CD22: variants seen among roughly 807,000 people sequenced by gnomAD.
CD22 encodes B-cell receptor CD22.
In CD22, 51 loss-of-function variants were observed where a neutral mutation model predicts 94.7. That is an observed-to-expected ratio of 0.54 (90% CI 0.43 to 0.68). CD22 has a LOEUF of 0.68. Ranked by LOEUF, CD22 falls within the 30% of genes least tolerant of loss-of-function variation. CD22 has a pLI of 0.00. For missense variants in CD22, 931 were observed against 1,060.4 expected (o/e 0.88, Z 1.69); for synonymous variants, 424 against 422.5 (o/e 1.00, Z -0.04).
rs569347814 is a variant in CD22 at position 35,337,891 on chromosome 19, G to A, written c.855G>A (p.Ser285=). Residue 285 remains serine (S), a synonymous_variant, in exon 5 of 14, where the codon TCG becomes TCA. Transcript: ENST00000085219. The surrounding 1 kb of genome is among the most constrained non-coding windows in gnomAD (Gnocchi z 4.4). ...TTVSWLKDGT[S]LKKQNTFTLN... is the part of the protein sequence containing the mutation. ...TATCCTGGCTCAAGGATGGGACCTC[G>A]CTGAAGAAGCAGAATACATTCACGC... 9.9e-6 allele frequency: 16 copies of A among 1,614,184 alleles called. No individual in the cohort carries two copies. The highest frequency in any genetic ancestry group is 6.7e-5 in the Admixed American group (4 of 60,016).
At chr19:35,333,590 T>G (rs1364263961) in intron 3 of CD22, among the ~76,000 whole-genome samples, 1 of 152,114 alleles carries the variant, frequency 6.6e-6, no homozygotes, top group Non-Finnish European at 1.5e-5. Context: ...GGTCTCGCAC[T>G]GTCATCACCC....
Position 35,345,598 on chromosome 19 carries a change from C to G in CD22, c.2209-4C>G, listed in dbSNP as rs562642800. The G allele has an allele frequency of 6.3e-7, 1 of 1,578,904 alleles. No homozygotes were observed. The highest frequency in any genetic ancestry group is 1.7e-5 in the Admixed American group (1 of 59,570). On this transcript the variant is annotated splice_polypyrimidine_tract_variant and splice_region_variant and intron_variant, in intron 11 of 13. Coordinates refer to ENST00000085219, the MANE Select transcript of CD22 (RefSeq NM_001771.4). ...TTAGCACTTCATCCTCGTCTCCCTC[C>G]CAGGTTAGAAGGGCCCCCCTCTCTG...
intron 6 of CD22, among the ~76,000 whole-genome samples, chr19:35,340,406 C>G (rs2066789805): frequency 6.6e-6 from 1 of 152,206 alleles, no homozygotes; most frequent in African/African-American, 2.4e-5. Context: ...CCTCGACCAC[C>G]TGAGTAGCTG....
chr19:35,346,935 C>T lies in CD22; in HGVS notation c.*238C>T, dbSNP rs1432980130. 12 of 462,962 alleles carry T rather than the reference C, an allele frequency of 2.6e-5. No homozygotes were observed. Among genetic ancestry groups the T allele is most frequent in the Non-Finnish European group, 4.2e-5 (11 of 261,854 alleles). The allele number at this position is 462,962 out of a possible 1,614,324, so 28.7% of individuals were successfully genotyped here. On this transcript the variant is annotated 3_prime_UTR_variant, in exon 14 of 14. Transcript: ENST00000085219. ...CCTGCCCCTGTTCTCTTCCACTCTC[C>T]TTGCTACCCAGAAATCCATCTAAAT...
chr19:35,341,577 C>T lies in CD22; in HGVS notation c.1742C>T (p.Ala581Val), dbSNP rs781725931. ...CWVNNSIGQTASKAWTLEVLY... is the reference protein window; with the variant it reads ...CWVNNSIGQTVSKAWTLEVLY... ...GTGAACAACTCCATAGGACAGACAG[C>T]GTCCAAGGCCTGGACACTTGAAGTG... The change falls in exon 8 of 14, where the codon GCG becomes GTG. Residue 581 changes from alanine to valine, a missense_variant. By Grantham distance (64) the Ala-to-Val change is moderately conservative. Transcript: ENST00000085219. This position sits in a 1 kb window ranked among gnomAD's most constrained non-coding sequence, Gnocchi z 4.0. The T allele has an allele frequency of 6.8e-6, 11 of 1,613,020 alleles. No homozygotes were observed. Among genetic ancestry groups the T allele is most frequent in the East Asian group, 6.7e-5 (3 of 44,872 alleles).
rs779224951 is a variant in CD22 at position 35,341,456 on chromosome 19, T to C, written c.1621T>C (p.Phe541Leu). The C allele has an allele frequency of 3.7e-6, 6 of 1,614,048 alleles. No homozygotes were observed. In the South Asian group the frequency reaches 6.6e-5, roughly 18 times the overall value. ...FSSSHPKEVQ[F>L]FWEKNGRLLG... ...AAGCAGCCACCCCAAAGAAGTCCAG[T>C]TCTTCTGGGAGAAAAATGGCAGGCT... The change falls in exon 8 of 14, where the codon TTC (phenylalanine) becomes CTC (leucine). Residue 541 changes from phenylalanine to leucine, a missense_variant. By Grantham distance (22) the Phe-to-Leu change is conservative. Transcript: ENST00000085219. The surrounding 1 kb of genome is among the most constrained non-coding windows in gnomAD (Gnocchi z 4.0).
intron 3 of CD22, among the ~76,000 whole-genome samples, chr19:35,334,844 C>T (rs943360793): frequency 1.9e-4 from 28 of 151,036 alleles, no homozygotes; most frequent in Non-Finnish European, 1.8e-4. Flanking sequence ...TTTGGGAGGC[C>T]GAGGCAGGCG....
At chr19:35,342,710 C>T (rs912844885) in intron 9 of CD22, among the ~76,000 whole-genome samples, 3 of 152,194 alleles carry the variant, frequency 2.0e-5, no homozygotes, top group Non-Finnish European at 4.4e-5. Flanking sequence ...GGCTGCTCCA[C>T]CTTCCAGAAG....
In CD22 at chr19:35,341,579, T is replaced by G. The variant is rs1326558721; in HGVS notation, c.1744T>G (p.Ser582Ala). The stretch of plus-strand genomic sequence containing the variant: ...GAACAACTCCATAGGACAGACAGCG[T>G]CCAAGGCCTGGACACTTGAAGTGCT... ...WVNNSIGQTA[S>A]KAWTLEVLYA... The change falls in exon 8 of 14, where the codon TCC becomes GCC. Residue 582 changes from serine to alanine, a missense_variant. Coordinates refer to ENST00000085219, the MANE Select transcript of CD22 (RefSeq NM_001771.4). This position sits in a 1 kb window ranked among gnomAD's most constrained non-coding sequence, Gnocchi z 4.0. 1 of 1,613,078 alleles carries G rather than the reference T, an allele frequency of 6.2e-7. No individual in the cohort carries two copies. Among genetic ancestry groups the G allele is most frequent in the Non-Finnish European group, 8.5e-7 (1 of 1,179,316 alleles).
intron 11 of CD22, 28 bp downstream of exon 11, chr19:35,345,154 A>G: frequency 1.2e-6 from 2 of 1,601,280 alleles, no homozygotes; most frequent in Non-Finnish European, 1.7e-6. Flanking sequence ...ACGATGGCTC[A>G]TGCCTGTAAT....
chr19:35,332,185 C>A, intron 2 of CD22, 111 bp downstream of exon 2: 2 of 1,182,406 alleles, frequency 1.7e-6, no homozygotes, highest in Non-Finnish European at 1.3e-6. Context: ...GTGGGGGCAG[C>A]GGTGTGTATA....
chr19:35,329,421 C>T, intron 1 of CD22, 191 bp downstream of exon 1: 1 of 388,202 alleles, frequency 2.6e-6, no homozygotes, highest in African/African-American at 2.1e-5. Flanking sequence ...GCTGAGTCTT[C>T]TGAGAGTAGG....
chr19:35,340,917 C>G lies in CD22; in HGVS notation c.1286C>G (p.Pro429Arg), dbSNP rs144871077. 77 of 1,614,048 alleles carry G rather than the reference C, an allele frequency of 4.8e-5. No individual in the cohort carries two copies. The highest frequency in any genetic ancestry group is 6.4e-5 in the Non-Finnish European group (76 of 1,180,042). Residue 429 changes from proline to arginine, a missense_variant, in exon 7 of 14, where the codon CCC becomes CGC. Transcript: ENST00000085219. The part of the protein sequence containing the change: ...PKKVTTVIQN[P>R]MPIREGDTVT... ...AAGGTGACCACAGTGATTCAAAACC[C>G]CATGCCGATTCGAGAAGGAGACACA...
rs1307736307 is a variant in CD22, at chr19:35,340,970, A to G, written c.1339A>G (p.Ser447Gly). The G allele has an allele frequency of 3.1e-6, 5 of 1,614,066 alleles. No individual in the cohort carries two copies. In the South Asian group the frequency reaches 3.3e-5, roughly 11 times the overall value. Residue 447 changes from serine (S) to glycine (G), a missense_variant, in exon 7 of 14, where the codon AGT becomes GGT. Transcript: ENST00000085219. ...TVTLSCNYNS[S>G]NPSVTRYEWK... ...GACCCTTTCCTGTAACTACAATTCC[A>G]GTAACCCCAGTGTTACCCGGTATGA...
At chr19:35,339,207 T>C (rs12975901) in intron 6 of CD22, among the ~76,000 whole-genome samples, 121,348 of 152,016 alleles carry the variant, frequency 0.8, 49,270 homozygotes, top group African/African-American at 0.94. Context: ...TACTGCACTC[T>C]AGCCTGGGTG....
rs186300511 is a variant in CD22 at position 35,345,225 on chromosome 19, G to A, written c.2208+99G>A. On this transcript the variant is annotated intron_variant, in intron 11 of 13. Transcript: ENST00000085219. ...CTGAGGTCAGGAGTTCGAGACCAGCGTAGCCAACATGGTGAAACCCTGTCT... is the reference window on the plus strand; with the variant it reads ...CTGAGGTCAGGAGTTCGAGACCAGCATAGCCAACATGGTGAAACCCTGTCT... The A allele has an allele frequency of 4.1e-4, 407 of 992,462 alleles. No individual in the cohort carries two copies. In the African/African-American group the frequency reaches 4.5e-3, roughly 11 times the overall value. The allele number at this position is 992,462 out of a possible 1,614,324, so 61.5% of individuals were successfully genotyped here. A position where few individuals can be genotyped will look rare whatever the true frequency, so the allele number is the denominator to read the frequency against.
At chr19:35,333,098 G>A in intron 3 of CD22, 174 bp downstream of exon 3, 1 of 615,956 alleles carries the variant, frequency 1.6e-6, no homozygotes, top group South Asian at 2.5e-5. Context: ...CGGGACCTCG[G>A]ATGTCCCATC....
chr19:35,345,023 C>G, intron 10 of CD22, 28 bp from the exon 11 acceptor site: 1 of 1,608,926 alleles, frequency 6.2e-7, no homozygotes, highest in Non-Finnish European at 8.5e-7. Context: ...GAGTCCCTGA[C>G]CCTCACACAT....
Position 35,341,932 on chromosome 19 carries a change from G to A in CD22, c.2002G>A (p.Gly668Ser). ...CCAGGGGACCAACAGTGTGGGCAAG[G>A]GCCGTTCGCCTCTCAGCACCCTCAC... ...WCQGTNSVGKGRSPLSTLTVY... is the reference protein window; with the variant it reads ...WCQGTNSVGKSRSPLSTLTVY... Residue 668 changes from glycine (G) to serine (S), a missense_variant, in exon 9 of 14, where the codon GGC becomes AGC. Transcript: ENST00000085219. This position sits in a 1 kb window ranked among gnomAD's most constrained non-coding sequence, Gnocchi z 4.0. 6.2e-7 allele frequency: 1 copy of A among 1,613,688 alleles called. No individual in the cohort carries two copies. Among genetic ancestry groups the A allele is most frequent in the South Asian group, 1.1e-5 (1 of 91,056 alleles).
Sources: gnomAD v4.1 joint callset for allele counts (sites outside exome capture counted in the v4.1 genomes callset) on GRCh38, gnomAD v4.1.1 for gene constraint, Gnocchi (gnomAD v3.1) non-coding constraint, MANE v1.5 for transcripts, NCBI Gene and HGNC (gene_info 2026-07-23, HGNC 2026-07-21) for gene names.